Variants in SYT6 observed in about 807,000 individuals in gnomAD.
SYT6 encodes the protein synaptotagmin 6.
SYT6 carries 24 observed loss-of-function variants against 38.4 expected under a neutral mutation model. The observed-to-expected ratio is 0.62, with a 90% CI of 0.45 to 0.88. The LOEUF is 0.88. Among genes scored for constraint, SYT6 ranks in the 40% least tolerant of loss-of-function variants. The pLI, the probability that SYT6 is intolerant of heterozygous loss-of-function variation, is 0.00. For missense variants in SYT6, 611 were observed against 621.0 expected (o/e 0.98, Z 0.17); for synonymous variants, 265 against 241.9 (o/e 1.10, Z -0.89).
chr1:114,100,756 C>T (rs941822075), intron 4 of SYT6, among the ~76,000 whole-genome samples: 13 of 152,148 alleles, frequency 8.5e-5, no homozygotes, highest in African/African-American at 3.1e-4. Context: ...ATGGATATGC[C>T]CCAGGACATT....
chr1:114,093,057 C>T (rs1293428640), intron 7 of SYT6, among the ~76,000 whole-genome samples: 1 of 152,100 alleles, frequency 6.6e-6, no homozygotes, highest in Non-Finnish European at 1.5e-5. Context: ...AAGTGCAGCC[C>T]CTTCTGCTTC....
chr1:114,117,896 G>A (rs750292143), intron 3 of SYT6, among the ~76,000 whole-genome samples: 6 of 152,196 alleles, frequency 3.9e-5, no homozygotes, highest in Non-Finnish European at 8.8e-5. Flanking sequence ...AGGGTGAACC[G>A]TGAAGCCCAA....
At chr1:114,094,949 G>C (rs1393271856) in intron 6 of SYT6, among the ~76,000 whole-genome samples, 1 of 152,206 alleles carries the variant, frequency 6.6e-6, no homozygotes, top group Admixed American at 6.5e-5. Context: ...CAGCCCTGTG[G>C]GGGTTTACAT....
chr1:114,141,134 ACT>A (rs916173469), intron 1 of SYT6, among the ~76,000 whole-genome samples: 4 of 152,190 alleles, frequency 2.6e-5, no homozygotes, highest in Non-Finnish European at 5.9e-5. Context: ...GTGTCACATG[ACT>A]CTCATTTTAA....
At chr1:114,093,133 T>C (rs1675422273) in intron 7 of SYT6, among the ~76,000 whole-genome samples, 1 of 152,152 alleles carries the variant, frequency 6.6e-6, no homozygotes, top group South Asian at 2.1e-4. Flanking sequence ...CTATGCATCA[T>C]GCATACATGG....
At chr1:114,126,816 A>G (rs1485336582) in intron 3 of SYT6, among the ~76,000 whole-genome samples, 1 of 152,114 alleles carries the variant, frequency 6.6e-6, no homozygotes, top group African/African-American at 2.4e-5. Flanking sequence ...CTGCGAGCAG[A>G]GGGAGGGAGG....
chr1:114,107,896 T>G (rs1676424620), intron 3 of SYT6, among the ~76,000 whole-genome samples: 2 of 152,184 alleles, frequency 1.3e-5, no homozygotes, highest in South Asian at 4.1e-4. Flanking sequence ...AGCTAGCACA[T>G]TATTGCTTTC....
At position 114,097,724 on chromosome 1, in the gene SYT6, C is replaced by T. The variant is rs1201104504; in HGVS notation, c.1515+3G>A. 2.5e-6 allele frequency: 4 copies of T among 1,613,806 alleles called. No individual in the cohort carries two copies. The highest frequency in any genetic ancestry group is 3.4e-6 in the Non-Finnish European group (4 of 1,179,880). ...ATGCCAAGGGCCAGGTGACCTCACCCACCTCTTTGAAGGATTTCTTTACCT... is the reference window on the plus strand; with the variant it reads ...ATGCCAAGGGCCAGGTGACCTCACCTACCTCTTTGAAGGATTTCTTTACCT... On this transcript the variant is annotated splice_donor_region_variant and intron_variant, in intron 6 of 7. Coordinates refer to ENST00000610222, the MANE Select transcript of SYT6 (RefSeq NM_001253772.2).
At chr1:114,139,543 C>T in intron 2 of SYT6, 72 bp downstream of exon 2, 3 of 1,582,112 alleles carry the variant, frequency 1.9e-6, no homozygotes, top group South Asian at 1.2e-5. Context: ...TCCCCACAGG[C>T]TGGAATCCCA....
In SYT6 at chr1:114,139,797, G is replaced by T; in HGVS notation, c.330C>A (p.Ser110Arg). The T allele has an allele frequency of 1.2e-6, 2 of 1,610,884 alleles. No homozygotes were observed. Among genetic ancestry groups the T allele is most frequent in the Non-Finnish European group, 1.7e-6 (2 of 1,178,172 alleles). Residue 110 changes from serine (S) to arginine (R), a missense_variant, in exon 2 of 8, where the codon AGC becomes AGA. Ser to Arg is a moderately radical substitution (Grantham distance 110). Coordinates refer to ENST00000610222, the MANE Select transcript of SYT6 (RefSeq NM_001253772.2). Reference sequence around the variant, plus strand: ...GCTTGTCCGCCATGTTGCCTCTGAAGCTGGGGCTCTGGAGGGCTTCCAAGG... The same window carrying T: ...GCTTGTCCGCCATGTTGCCTCTGAATCTGGGGCTCTGGAGGGCTTCCAAGG... ...NPPLEALQSP[S>R]FRGNMADKLK... is the part of the protein sequence containing the mutation.
At chr1:114,093,594 G>A (rs374048571) in intron 7 of SYT6, 141 bp downstream of exon 7, 37 of 700,256 alleles carry the variant, frequency 5.3e-5, no homozygotes, top group African/African-American at 3.1e-4. Context: ...GCCAGAACCC[G>A]AAACCAGGTC....
intron 1 of SYT6, among the ~76,000 whole-genome samples, chr1:114,148,711 A>C (rs1184733000): frequency 2.0e-5 from 3 of 151,806 alleles, no homozygotes; most frequent in Admixed American, 6.6e-5. Context: ...ATTAATACAT[A>C]GTGAGCATTA....
intron 5 of SYT6, among the ~76,000 whole-genome samples, chr1:114,098,322 G>A (rs1675771520): frequency 6.6e-6 from 1 of 152,228 alleles, no homozygotes; most frequent in African/African-American, 2.4e-5. Context: ...TCTTAAGTAT[G>A]TTCGTCAATA....
At chr1:114,115,229 A>T (rs1416012564) in intron 3 of SYT6, among the ~76,000 whole-genome samples, 2 of 152,216 alleles carry the variant, frequency 1.3e-5, no homozygotes, top group Non-Finnish European at 2.9e-5. Context: ...GGGAAGTCTC[A>T]GGAACTGACA....
intron 3 of SYT6, 89 bp downstream of exon 3, chr1:114,137,406 T>G: frequency 6.9e-7 from 1 of 1,455,232 alleles, no homozygotes. Context: ...AAGGCCCATT[T>G]GTCTCTAGGA....
intron 3 of SYT6, among the ~76,000 whole-genome samples, chr1:114,122,504 T>TGC (rs200244044): frequency 1.0e-4 from 12 of 114,446 alleles, no homozygotes; most frequent in African/African-American, 3.3e-4. Flanking sequence ...TGTGTGTGTG[T>TGC]GTGCGCGCAC....
intron 3 of SYT6, among the ~76,000 whole-genome samples, chr1:114,106,296 A>G (rs1676309802): frequency 6.6e-6 from 1 of 152,058 alleles, no homozygotes; most frequent in Non-Finnish European, 1.5e-5. Context: ...GCCTCTGCTA[A>G]GTACTTTGCT....
At chr1:114,140,136 G>C (rs1343377169) in intron 1 of SYT6, among the ~76,000 whole-genome samples, 173 bp from the exon 2 acceptor site, 2 of 152,084 alleles carry the variant, frequency 1.3e-5, no homozygotes, top group Non-Finnish European at 2.9e-5. Flanking sequence ...GTTGACTCTT[G>C]ATTGTCCACT....
At chr1:114,149,661 CTG>C (rs1281011443) in intron 1 of SYT6, among the ~76,000 whole-genome samples, 1 of 152,026 alleles carries the variant, frequency 6.6e-6, no homozygotes, top group Non-Finnish European at 1.5e-5. Flanking sequence ...TGGATGGTAA[CTG>C]TACCTTTCTG....
Sources: allele counts gnomAD v4.1 joint callset (sites outside exome capture counted in the v4.1 genomes callset), GRCh38; gene constraint gnomAD v4.1.1; transcripts MANE v1.5; gene names NCBI Gene and HGNC (gene_info 2026-07-23, HGNC 2026-07-21).